Variants in DUSP19 observed in about 807,000 individuals in gnomAD.
The protein encoded by DUSP19 is dual specificity protein phosphatase 19.
In DUSP19, 14 loss-of-function variants were observed where a neutral mutation model predicts 16.6. That is an observed-to-expected ratio of 0.84 (90% confidence interval 0.56 to 1.32). DUSP19 has a LOEUF of 1.32. Ranked by LOEUF, DUSP19 falls within the 40% of genes most tolerant of loss-of-function variation. The pLI is 0.00. For missense variants in DUSP19, 258 were observed against 255.9 expected, an observed-to-expected ratio of 1.01 and a Z score of -0.06; for synonymous variants, 81 against 90.5, an observed-to-expected ratio of 0.90 and a Z score of 0.59.
intron 1 of DUSP19, among the ~76,000 whole-genome samples, chr2:183,081,395 C>T (rs1355996586): frequency 6.6e-6 from 1 of 152,126 alleles, no homozygotes; most frequent in Non-Finnish European, 1.5e-5. Flanking sequence ...CAGGTGCACA[C>T]CACCATGCCT....
chr2:183,094,213 T>G lies in DUSP19; in HGVS notation c.427-1218T>G, dbSNP rs548783783. Among the ~76,000 whole-genome samples, 34 of 152,340 alleles carry G rather than the reference T, an allele frequency of 2.2e-4. 1 individual carries two copies. In the South Asian group the frequency reaches 6.6e-3, roughly 30 times the overall value. ...ATCATTTGGCTTTCTTGAAAAGAGA[T>G]GCACTTGCAAATTTGTTACAGCAGA... On this transcript the variant is annotated intron_variant, in intron 3 of 3. Coordinates refer to ENST00000354221, the MANE Select transcript of DUSP19 (RefSeq NM_080876.4).
chr2:183,089,683 C>T (rs778845285), intron 3 of DUSP19, among the ~76,000 whole-genome samples: 8 of 152,028 alleles, frequency 5.3e-5, no homozygotes, highest in East Asian at 3.8e-4. Context: ...TGTGAGATGG[C>T]GGCACCACAG....
chr2:183,083,093 A>G (rs1423736139), intron 1 of DUSP19, among the ~76,000 whole-genome samples: 18 of 152,094 alleles, frequency 1.2e-4, no homozygotes, highest in Non-Finnish European at 2.9e-5. Flanking sequence ...TTTTCTATAG[A>G]CAGGGTCTCA....
intron 2 of DUSP19, among the ~76,000 whole-genome samples, chr2:183,085,652 T>A (rs920424471): frequency 4.0e-5 from 6 of 151,550 alleles, no homozygotes; most frequent in African/African-American, 1.5e-4. Context: ...GAGCATGTTT[T>A]AAGGCTGATG....
intron 3 of DUSP19, among the ~76,000 whole-genome samples, chr2:183,093,144 A>C (rs2105505763): frequency 6.6e-6 from 1 of 152,316 alleles, no homozygotes; most frequent in African/African-American, 2.4e-5. Flanking sequence ...ATCTAGTTGA[A>C]AACTATAATA....
chr2:183,078,867 T>G lies in DUSP19; in HGVS notation c.-67T>G, dbSNP rs1207180312. 2.1e-6 allele frequency: 3 copies of G among 1,448,592 alleles called. No homozygotes were observed. In the African/African-American group the frequency reaches 4.2e-5, roughly 20 times the overall value. The allele number at this position is 1,448,592 out of a possible 1,614,324, so 89.7% of individuals were successfully genotyped here. A position where few individuals can be genotyped will look rare whatever the true frequency, so the allele number is the denominator to read the frequency against. The stretch of plus-strand genomic sequence containing the variant: ...CTTTGTTACCTGGGCAATAAGGGAC[T>G]AGCAGTTCAGCCGTTTTCTATGCCT... On this transcript the variant is annotated 5_prime_UTR_variant, in exon 1 of 4. Coordinates refer to ENST00000354221, the MANE Select transcript of DUSP19 (RefSeq NM_080876.4).
At chr2:183,092,260 A>G (rs895766677) in intron 3 of DUSP19, among the ~76,000 whole-genome samples, 1 of 152,178 alleles carries the variant, frequency 6.6e-6, no homozygotes, top group Admixed American at 6.5e-5. Context: ...TCTGGGGCAC[A>G]TGTACAGGAT....
chr2:183,090,464 G>T (rs760770687), intron 3 of DUSP19, among the ~76,000 whole-genome samples: 2 of 152,134 alleles, frequency 1.3e-5, no homozygotes, highest in Admixed American at 6.5e-5. Context: ...TGTACAAAAG[G>T]TACAAAGTAT....
At chr2:183,084,775 T>C (rs1486694085) in intron 2 of DUSP19, among the ~76,000 whole-genome samples, 1 of 152,046 alleles carries the variant, frequency 6.6e-6, no homozygotes, top group Non-Finnish European at 1.5e-5. Context: ...AAGTTAGAGA[T>C]GGGGGAAACT....
Position 183,095,724 on chromosome 2 carries a change from T to A in DUSP19, c.*66T>A. ...TTGACTTCTATAGCCATCTTTTCCC[T>A]TTTTTGGAGAGTAGACTAGCAAAAC... On this transcript the variant is annotated 3_prime_UTR_variant, in exon 4 of 4. Transcript: ENST00000354221. The A allele has an allele frequency of 7.6e-7, 1 of 1,323,038 alleles. No individual in the cohort carries two copies. Among genetic ancestry groups the A allele is most frequent in the Non-Finnish European group, 1.0e-6 (1 of 956,858 alleles). 82.0% of individuals were successfully genotyped at this position (1,323,038 alleles called of 1,614,324 possible).
intron 3 of DUSP19, among the ~76,000 whole-genome samples, chr2:183,089,839 A>G (rs945594434): frequency 1.5e-4 from 23 of 152,342 alleles, no homozygotes; most frequent in African/African-American, 4.6e-4. Flanking sequence ...CCATGACACA[A>G]TCTCAGCTCA....
At chr2:183,083,620 A>C in intron 2 of DUSP19, 66 bp downstream of exon 2, 1 of 1,385,280 alleles carries the variant, frequency 7.2e-7, no homozygotes, top group Non-Finnish European at 1.0e-6. Flanking sequence ...TTTAGGAAAA[A>C]CTGTATTGGT....
intron 3 of DUSP19, among the ~76,000 whole-genome samples, chr2:183,094,107 G>A (rs181785477): frequency 2.0e-5 from 3 of 152,180 alleles, no homozygotes; most frequent in Admixed American, 6.5e-5. Flanking sequence ...CCATAGTAAT[G>A]TAAGATGTGA....
chr2:183,088,534 T>C (rs1699693362), intron 3 of DUSP19, among the ~76,000 whole-genome samples: 1 of 151,286 alleles, frequency 6.6e-6, no homozygotes, highest in Non-Finnish European at 1.5e-5. Context: ...GTGATTCTCC[T>C]GCCTCAGCCT....
At chr2:183,092,699 GT>G (rs781697293) in intron 3 of DUSP19, among the ~76,000 whole-genome samples, 213 of 119,158 alleles carry the variant, frequency 1.8e-3, no homozygotes, top group African/African-American at 2.5e-3. Context: ...TTCTGCCCAA[GT>G]TTTTTTTTTT....
At position 183,098,919 on chromosome 2, in the gene DUSP19, G is replaced by GTA. The variant is rs1360650930; in HGVS notation, c.*3264_*3265dup. ...ATTTTTGGAGGCAAAATTTAGACCA[G>GTA]TATACTAATTCAAAAGACAAATATT... is the stretch of plus-strand genomic sequence containing the variant. On this transcript the variant is annotated 3_prime_UTR_variant, in exon 4 of 4. Coordinates refer to ENST00000354221, the MANE Select transcript of DUSP19 (RefSeq NM_080876.4). The GTA allele has an allele frequency of 6.6e-6, 1 of 152,156 alleles. No individual in the cohort carries two copies. Among genetic ancestry groups the GTA allele is most frequent in the East Asian group, 1.9e-4 (1 of 5,202 alleles). 9.4% of individuals were successfully genotyped at this position (152,156 alleles called of 1,614,324 possible). A position where few individuals can be genotyped will look rare whatever the true frequency, so the allele number is the denominator to read the frequency against.
chr2:183,084,507 T>A (rs1387954309), intron 2 of DUSP19, among the ~76,000 whole-genome samples: 1 of 151,920 alleles, frequency 6.6e-6, no homozygotes, highest in Non-Finnish European at 1.5e-5. Flanking sequence ...AGGTGGATGC[T>A]TTCAGGGACA....
chr2:183,087,027 C>A lies in DUSP19; in HGVS notation c.274-13C>A. On this transcript the variant is annotated splice_polypyrimidine_tract_variant and intron_variant, in intron 2 of 3. Transcript: ENST00000354221. ...GGGATTTAAAACAATCATCTTTTTT[C>A]TTTCTCTTTAAGGTGACTCATATTC... 1 of 1,597,528 alleles carries A rather than the reference C, an allele frequency of 6.3e-7. No individual in the cohort carries two copies. Among genetic ancestry groups the A allele is most frequent in the East Asian group, 2.2e-5 (1 of 44,550 alleles).
chr2:183,081,892 A>G (rs1187845441), intron 1 of DUSP19, among the ~76,000 whole-genome samples: 1 of 152,210 alleles, frequency 6.6e-6, no homozygotes, highest in Non-Finnish European at 1.5e-5. Context: ...TAACTTAAAA[A>G]AAAAAAAAGT....
Sources: allele counts gnomAD v4.1 joint callset (sites outside exome capture counted in the v4.1 genomes callset), GRCh38; gene constraint gnomAD v4.1.1; transcripts MANE v1.5; gene names NCBI Gene and HGNC (gene_info 2026-07-23, HGNC 2026-07-21).